TBL1XR1: variants seen among roughly 807,000 people sequenced by gnomAD.
The protein encoded by TBL1XR1 is TBL1X/Y related 1.
A neutral mutation model predicts 66.9 loss-of-function variants in TBL1XR1; 5 were observed. The observed-to-expected ratio is 0.07, with a 90% CI of 0.04 to 0.16. The LOEUF is 0.16. Ranked by LOEUF, TBL1XR1 falls within the 10% of genes least tolerant of loss-of-function variation. The pLI is 1.00. For synonymous variants in TBL1XR1, 210 were observed against 206.0 expected, an observed-to-expected ratio of 1.02 and a Z score of -0.17; for missense variants, 238 against 623.2, an observed-to-expected ratio of 0.38 and a Z score of 6.58.
chr3:177,173,133 G>A lies in TBL1XR1; in HGVS notation c.-122+23988C>T, dbSNP rs554712458. 3.3e-5 allele frequency among the ~76,000 whole-genome samples: 5 copies of A among 152,328 alleles called. No individual in the cohort carries two copies. The South Asian group carries it at 1.0e-3, about 32-fold the overall frequency. On this transcript the variant is annotated intron_variant, in intron 1 of 15. Coordinates refer to ENST00000457928, the MANE Select transcript of TBL1XR1 (RefSeq NM_024665.7). ...ACCTGGGAGGCGGGGGCTGCAGTGAGCCGAGATCGTGCCACTGCACTCCAG... is the reference window on the plus strand; with the variant it reads ...ACCTGGGAGGCGGGGGCTGCAGTGAACCGAGATCGTGCCACTGCACTCCAG...
chr3:177,158,212 T>A, intron 1 of TBL1XR1, among the ~76,000 whole-genome samples: 1 of 143,872 alleles, frequency 7.0e-6, no homozygotes, highest in Non-Finnish European at 1.5e-5. Context: ...ACTGTAAATA[T>A]AGGATTTGTT....
intron 2 of TBL1XR1, among the ~76,000 whole-genome samples, chr3:177,097,216 G>A (rs1429146844): frequency 1.3e-5 from 2 of 152,066 alleles, no homozygotes; most frequent in African/African-American, 4.8e-5. Flanking sequence ...CAGTTTTTAT[G>A]CCTCCCTAAT....
chr3:177,066,274 G>A (rs1719152839), intron 2 of TBL1XR1, among the ~76,000 whole-genome samples: 1 of 152,098 alleles, frequency 6.6e-6, no homozygotes, highest in African/African-American at 2.4e-5. Flanking sequence ...CTTGTCATAG[G>A]GAGAAAGACA....
intron 1 of TBL1XR1, among the ~76,000 whole-genome samples, chr3:177,125,201 T>C (rs1577239860): frequency 6.6e-6 from 1 of 152,062 alleles, no homozygotes; most frequent in African/African-American, 2.4e-5. Flanking sequence ...ATCCAGAATA[T>C]ATGAAATACT....
At chr3:177,192,612 C>T (rs1290351657) in intron 1 of TBL1XR1, among the ~76,000 whole-genome samples, 1 of 152,110 alleles carries the variant, frequency 6.6e-6, no homozygotes, top group South Asian at 2.1e-4. Flanking sequence ...AAGTTTACTT[C>T]AAATGGGTTA....
At chr3:177,077,621 G>A (rs1463767167) in intron 2 of TBL1XR1, among the ~76,000 whole-genome samples, 1 of 152,034 alleles carries the variant, frequency 6.6e-6, no homozygotes, top group Non-Finnish European at 1.5e-5. Context: ...TAGCCATATG[G>A]TACCACCTTT....
chr3:177,083,512 G>T (rs1385039431), intron 2 of TBL1XR1, among the ~76,000 whole-genome samples: 1 of 151,998 alleles, frequency 6.6e-6, no homozygotes, highest in Non-Finnish European at 1.5e-5. Flanking sequence ...AATCAATTTT[G>T]ATGAATGCCA....
chr3:177,184,323 A>T (rs774550807), intron 1 of TBL1XR1, among the ~76,000 whole-genome samples: 1 of 152,164 alleles, frequency 6.6e-6, no homozygotes, highest in Non-Finnish European at 1.5e-5. Flanking sequence ...CACAAATCCC[A>T]TTGTGCCAAA....
rs532484549 is a variant in TBL1XR1, at chr3:177,064,902, C to T, written c.58+18G>A. The T allele has an allele frequency of 6.1e-6, 9 of 1,467,024 alleles. No homozygotes were observed. The Admixed American group carries it at 2.0e-4, about 32-fold the overall frequency. The allele number at this position is 1,467,024 out of a possible 1,614,324, so 90.9% of individuals were successfully genotyped here. ...ATTAAAATAATTTGAGGCCTATTTACTTTATAAAAGTACTCACCTGACTCT... is the reference window on the plus strand; with the variant it reads ...ATTAAAATAATTTGAGGCCTATTTATTTTATAAAAGTACTCACCTGACTCT... On this transcript the variant is annotated intron_variant, in intron 3 of 15. Coordinates refer to ENST00000457928, the MANE Select transcript of TBL1XR1 (RefSeq NM_024665.7).
chr3:177,199,778 G>C (rs187715797), upstream of TBL1XR1, among the ~76,000 whole-genome samples: 210 of 152,170 alleles, frequency 1.4e-3, no homozygotes, highest in Non-Finnish European at 2.5e-3. Context: ...TTCAGTGTTA[G>C]TTGAGCCTCC....
chr3:177,072,611 G>C (rs535106068), intron 2 of TBL1XR1, among the ~76,000 whole-genome samples: 1 of 152,072 alleles, frequency 6.6e-6, no homozygotes, highest in Non-Finnish European at 1.5e-5. Context: ...AGTTACTTCC[G>C]TTGCATACTA....
intron 2 of TBL1XR1, among the ~76,000 whole-genome samples, chr3:177,078,130 T>TA (rs980835357): frequency 1.3e-5 from 2 of 152,234 alleles, no homozygotes; most frequent in Non-Finnish European, 2.9e-5. Context: ...TATAAGCATT[T>TA]AAAAAGCAGT....
chr3:177,050,172 T>C (rs547486477), intron 6 of TBL1XR1, 34 bp from the exon 7 acceptor site: 2 of 1,606,072 alleles, frequency 1.2e-6, no homozygotes, highest in South Asian at 2.2e-5. Context: ...TAGATCCTCA[T>C]GACATTCTCA....
intron 1 of TBL1XR1, among the ~76,000 whole-genome samples, chr3:177,150,715 G>A (rs1730783932): frequency 6.6e-6 from 1 of 152,180 alleles, no homozygotes; most frequent in South Asian, 2.1e-4. Context: ...TATGTCCTGT[G>A]TAGGCCTCTG....
Position 177,106,760 on chromosome 3 carries a change from C to G in TBL1XR1, c.-121-8219G>C, listed in dbSNP as rs181159234. On this transcript the variant is annotated intron_variant, in intron 1 of 15. Transcript: ENST00000457928. ...AGACAGTCCGCTAACAGGGAAACAG[C>G]TTGGCCTGGATTTCAGTGCCCACTT... Among the ~76,000 whole-genome samples, 50 of 152,282 alleles carry G rather than the reference C, an allele frequency of 3.3e-4. 1 individual carries two copies. The highest frequency in any genetic ancestry group is 2.7e-3 in the Admixed American group (41 of 15,306).
chr3:177,161,796 A>AG (rs1324932387), intron 1 of TBL1XR1, among the ~76,000 whole-genome samples: 1 of 152,082 alleles, frequency 6.6e-6, no homozygotes, highest in East Asian at 1.9e-4. Flanking sequence ...AAAAAAAAAA[A>AG]AAATCTAAGA....
chr3:177,085,137 G>T (rs909842212), intron 2 of TBL1XR1, among the ~76,000 whole-genome samples: 2 of 152,208 alleles, frequency 1.3e-5, no homozygotes, highest in Non-Finnish European at 2.9e-5. Flanking sequence ...AGAGAGAGCT[G>T]AAGTGGATCC....
intron 1 of TBL1XR1, among the ~76,000 whole-genome samples, chr3:177,116,206 CCATGTCACACAATG>C (rs1395308791): frequency 1.3e-5 from 2 of 152,100 alleles, no homozygotes; most frequent in African/African-American, 2.4e-5. Context: ...TCCCCCCAAC[CCATGTCACACAATG>C]CATTGCAAAT....
At chr3:177,190,133 C>CAAAAAAAAAAAAA (rs548783302) in intron 1 of TBL1XR1, among the ~76,000 whole-genome samples, 1 of 69,410 alleles carries the variant, frequency 1.4e-5, no homozygotes, top group African/African-American at 6.3e-5. Context: ...AACTCCATCT[C>CAAAAAAAAAAAAA]AAAAAAAAAA....
Sources: gnomAD v4.1 joint callset for allele counts (sites outside exome capture counted in the v4.1 genomes callset) on GRCh38, gnomAD v4.1.1 for gene constraint, MANE v1.5 for transcripts, NCBI Gene and HGNC (gene_info 2026-07-23, HGNC 2026-07-21) for gene names.